HSD17B11: variants seen among roughly 807,000 people sequenced by gnomAD.
HSD17B11 encodes hydroxysteroid 17-beta dehydrogenase 11.
HSD17B11 carries 22 observed loss-of-function variants against 27.8 expected under a neutral mutation model. The ratio of observed to expected loss-of-function variants is 0.79; its 90% CI spans 0.56 to 1.13. The LOEUF is 1.13. HSD17B11 is among the 50% of genes most tolerant of loss of function. The probability of loss-of-function intolerance (pLI) is 0.00; values close to 1 mark genes in which losing one functional copy is unlikely to be tolerated. For synonymous variants in HSD17B11, 117 were observed against 132.8 expected (o/e 0.88, Z 0.82); for missense variants, 314 against 351.1 (o/e 0.89, Z 0.84).
At chr4:87,345,306 C>A (rs1444936929) in intron 5 of HSD17B11, 1 of 151,782 alleles carries the variant, frequency 6.6e-6, no homozygotes, top group African/African-American at 2.4e-5. Flanking sequence ...TCATGAGGTG[C>A]AGTGAAAGCA....
chr4:87,386,489 C>T lies in HSD17B11; in HGVS notation c.211-4127G>A, dbSNP rs568983157. On this transcript the variant is annotated intron_variant, in intron 1 of 6. Transcript: ENST00000358290. ...AAGTGCTGGGATTACAGGGGTGAGCCACTGCACCCGGCCGGTGCAACAAAT... is the reference window on the plus strand; with the variant it reads ...AAGTGCTGGGATTACAGGGGTGAGCTACTGCACCCGGCCGGTGCAACAAAT... Among the ~76,000 whole-genome samples the T allele has an allele frequency of 4.5e-3, 686 of 152,258 alleles. 5 individuals carry two copies. Among genetic ancestry groups the T allele is most frequent in the African/African-American group, 0.016 (661 of 41,534 alleles).
chr4:87,384,937 T>C (rs1720268500), intron 1 of HSD17B11, among the ~76,000 whole-genome samples: 1 of 152,108 alleles, frequency 6.6e-6, no homozygotes, highest in Non-Finnish European at 1.5e-5. Flanking sequence ...TGATACGTGA[T>C]GTCACCCCCA....
intron 5 of HSD17B11, among the ~76,000 whole-genome samples, chr4:87,342,565 C>T (rs1402485455): frequency 6.6e-6 from 1 of 151,704 alleles, no homozygotes; most frequent in East Asian, 1.9e-4. Context: ...AAAAACAAAA[C>T]TGGATGAAAT....
At chr4:87,372,896 T>A in intron 3 of HSD17B11, 81 bp from the exon 4 acceptor site, 1 of 855,584 alleles carries the variant, frequency 1.2e-6, no homozygotes, top group Non-Finnish European at 1.9e-6. Flanking sequence ...GAAACAAAAG[T>A]ATATTTTTTA....
intron 1 of HSD17B11, 152 bp from the exon 2 acceptor site, chr4:87,382,514 A>G: frequency 2.0e-6 from 1 of 494,024 alleles, no homozygotes; most frequent in South Asian, 4.4e-5. Flanking sequence ...TGGCAGGTAT[A>G]TAGGCACATT....
chr4:87,338,757 G>C (rs1401263081), intron 6 of HSD17B11, among the ~76,000 whole-genome samples: 1 of 152,112 alleles, frequency 6.6e-6, no homozygotes, highest in Non-Finnish European at 1.5e-5. Context: ...GGCTTGTCTT[G>C]AACTCTTGAC....
intron 4 of HSD17B11, among the ~76,000 whole-genome samples, 183 bp from the exon 5 acceptor site, chr4:87,357,599 G>A (rs1735411036): frequency 1.3e-5 from 2 of 152,154 alleles, no homozygotes; most frequent in Admixed American, 1.3e-4. Flanking sequence ...GGCACATTAA[G>A]GTCCAAGAAG....
At chr4:87,357,949 A>ATTTTTTTT (rs57139706) in intron 4 of HSD17B11, among the ~76,000 whole-genome samples, 2,069 of 80,160 alleles carry the variant, frequency 0.026, 294 homozygotes, top group East Asian at 0.049. Flanking sequence ...CATTAGAGAA[A>ATTTTTTTT]TTTTTTTTTT....
chr4:87,356,404 T>A (rs1232586511), intron 5 of HSD17B11, among the ~76,000 whole-genome samples: 1 of 152,210 alleles, frequency 6.6e-6, no homozygotes, highest in Non-Finnish European at 1.5e-5. Context: ...CTCCCAATAA[T>A]CAATACAATT....
intron 5 of HSD17B11, among the ~76,000 whole-genome samples, chr4:87,343,321 C>T (rs1735205194): frequency 6.6e-6 from 1 of 152,020 alleles, no homozygotes; most frequent in Non-Finnish European, 1.5e-5. Flanking sequence ...TCCCAATACG[C>T]TAAAGTTAAC....
rs1275955717 is a variant in HSD17B11 at position 87,357,380 on chromosome 4, A to G, written c.594T>C (p.Thr198=). Residue 198 remains threonine, a synonymous_variant, in exon 5 of 7, where the codon ACT becomes ACC. Coordinates refer to ENST00000358290, the MANE Select transcript of HSD17B11 (RefSeq NM_016245.5). ...SKFAAVGFHK[T]LTDELAALQI... ...GTAAGGCAGCCAGTTCATCTGTCAA[A>G]GTTTTATGAAATCCAACAGCAGCAA... The G allele has an allele frequency of 2.5e-6, 4 of 1,613,710 alleles. No homozygotes were observed. The Admixed American group carries it at 6.7e-5, about 27-fold the overall frequency.
intron 2 of HSD17B11, among the ~76,000 whole-genome samples, chr4:87,379,655 G>T (rs891966666): frequency 7.0e-6 from 1 of 143,630 alleles, no homozygotes; most frequent in Non-Finnish European, 1.5e-5. Flanking sequence ...GTATATGTAT[G>T]TATATTATAT....
intron 2 of HSD17B11, among the ~76,000 whole-genome samples, chr4:87,377,188 A>T (rs932233861): frequency 5.3e-5 from 8 of 152,158 alleles, no homozygotes; most frequent in African/African-American, 1.9e-4. Flanking sequence ...ACAGTGGCTC[A>T]CACCTGTAAT....
chr4:87,336,581 T>A lies in HSD17B11; in HGVS notation c.*695A>T, dbSNP rs951980394. 6.6e-6 allele frequency: 1 copy of A among 152,230 alleles called. No homozygotes were observed. Among genetic ancestry groups the A allele is most frequent in the African/African-American group, 2.4e-5 (1 of 41,448 alleles). The allele number at this position is 152,230 out of a possible 1,614,324, so 9.4% of individuals were successfully genotyped here. On this transcript the variant is annotated 3_prime_UTR_variant, in exon 7 of 7. Transcript: ENST00000358290. ...TAATTTGAAGGTTGTCATGTTCTGT[T>A]TAAGACAAAAAGATGGAAACACCAA...
chr4:87,356,444 T>C (rs1462470181), intron 5 of HSD17B11, among the ~76,000 whole-genome samples: 1 of 152,134 alleles, frequency 6.6e-6, no homozygotes, highest in African/African-American at 2.4e-5. Context: ...TTATTAGATG[T>C]CTGTAACATA....
At chr4:87,370,752 ATTATTT>A (rs1735697711) in intron 4 of HSD17B11, among the ~76,000 whole-genome samples, 1 of 53,048 alleles carries the variant, frequency 1.9e-5, no homozygotes, top group Non-Finnish European at 2.9e-5. Flanking sequence ...TATTATTATT[ATTATTT>A]TTTTTTTTTT....
intron 2 of HSD17B11, among the ~76,000 whole-genome samples, chr4:87,378,558 ATTCT>A (rs1396798256): frequency 1.3e-5 from 2 of 151,112 alleles, no homozygotes; most frequent in African/African-American, 4.9e-5. Context: ...CTAACAAAAA[ATTCT>A]TTATGGCTGC....
intron 4 of HSD17B11, among the ~76,000 whole-genome samples, chr4:87,359,918 A>G (rs1027010146): frequency 2.0e-5 from 3 of 152,190 alleles, no homozygotes; most frequent in African/African-American, 7.2e-5. Flanking sequence ...CATATAAGAC[A>G]AGGATAAGGT....
rs1484534436 is a variant in HSD17B11, at chr4:87,372,317, G to T, written c.557+392C>A. Among the ~76,000 whole-genome samples, 6 of 149,196 alleles carry T rather than the reference G, an allele frequency of 4.0e-5. No individual in the cohort carries two copies. The East Asian group carries it at 9.8e-4, about 24-fold the overall frequency. ...TCTCTCTCACTCTGATTTAATTTCTGCAAAAATTTACCCATTTTTATTAAT... is the reference window on the plus strand; with the variant it reads ...TCTCTCTCACTCTGATTTAATTTCTTCAAAAATTTACCCATTTTTATTAAT... On this transcript the variant is annotated intron_variant, in intron 4 of 6. Coordinates refer to ENST00000358290, the MANE Select transcript of HSD17B11 (RefSeq NM_016245.5).
Sources: gnomAD v4.1 joint callset for allele counts (sites outside exome capture counted in the v4.1 genomes callset) on GRCh38, gnomAD v4.1.1 for gene constraint, MANE v1.5 for transcripts, NCBI Gene and HGNC (gene_info 2026-07-23, HGNC 2026-07-21) for gene names.